PTPRG: variants seen among roughly 807,000 people sequenced by gnomAD.
PTPRG encodes the protein protein tyrosine phosphatase receptor type G.
PTPRG carries 102 observed loss-of-function variants against 165.3 expected under a neutral mutation model. The ratio of observed to expected loss-of-function variants is 0.62; its 90% CI spans 0.53 to 0.73. PTPRG has a LOEUF of 0.73. PTPRG is among the 30% of genes least tolerant of loss of function. The pLI is 0.00. For missense variants in PTPRG, 1,866 were observed against 1,861.4 expected (o/e 1.00, Z -0.05); for synonymous variants, 675 against 669.5 (o/e 1.01, Z -0.13).
chr3:62,139,550 G>A (rs1053522141), intron 6 of PTPRG, among the ~76,000 whole-genome samples: 3 of 152,122 alleles, frequency 2.0e-5, no homozygotes, highest in Non-Finnish European at 2.9e-5. Context: ...GCTCTCTCTC[G>A]GTCTTCCCTT....
chr3:61,990,820 G>A (rs1300455419), intron 3 of PTPRG, among the ~76,000 whole-genome samples: 1 of 151,686 alleles, frequency 6.6e-6, no homozygotes, highest in Non-Finnish European at 1.5e-5. Flanking sequence ...AGCCTTGGCT[G>A]TCAGAGCCCT....
At chr3:61,957,615 A>G (rs1254226693) in intron 2 of PTPRG, among the ~76,000 whole-genome samples, 10 of 152,178 alleles carry the variant, frequency 6.6e-5, no homozygotes, top group Non-Finnish European at 1.5e-4. Context: ...TTCCAAGGGG[A>G]TGCCTTCCTC....
intron 2 of PTPRG, among the ~76,000 whole-genome samples, chr3:61,888,381 T>G (rs1484930596): frequency 6.6e-6 from 1 of 152,096 alleles, no homozygotes; most frequent in African/African-American, 2.4e-5. Flanking sequence ...TCGCCCAGGC[T>G]GGAGTGCAGT....
intron 2 of PTPRG, among the ~76,000 whole-genome samples, chr3:61,828,350 C>T (rs1233245642): frequency 6.6e-6 from 1 of 152,208 alleles, no homozygotes; most frequent in Admixed American, 6.5e-5. Flanking sequence ...CATACAGCGA[C>T]ACATGTGTTG....
intron 12 of PTPRG, among the ~76,000 whole-genome samples, chr3:62,208,522 C>A (rs1266263220): frequency 6.6e-6 from 1 of 152,164 alleles, no homozygotes; most frequent in Non-Finnish European, 1.5e-5. Flanking sequence ...TCTTCTGGCT[C>A]AGCCCTGAGT....
At chr3:62,014,301 G>C (rs2041491239) in intron 4 of PTPRG, among the ~76,000 whole-genome samples, 1 of 152,108 alleles carries the variant, frequency 6.6e-6, no homozygotes, top group Non-Finnish European at 1.5e-5. Context: ...GCGCTGTATT[G>C]AGCACGGATA....
intron 2 of PTPRG, among the ~76,000 whole-genome samples, chr3:61,972,829 T>A (rs1048122472): frequency 6.7e-5 from 10 of 150,108 alleles, no homozygotes; most frequent in Admixed American, 2.7e-4. Flanking sequence ...ATTTTTAATT[T>A]TTTTTTTTTT....
chr3:61,583,287 C>T (rs532670361), intron 1 of PTPRG, among the ~76,000 whole-genome samples: 1 of 152,284 alleles, frequency 6.6e-6, no homozygotes, highest in South Asian at 2.1e-4. Flanking sequence ...GAGGCATTGT[C>T]CATGGAGACT....
intron 1 of PTPRG, among the ~76,000 whole-genome samples, chr3:61,729,240 G>A (rs73842328): frequency 0.04 from 6,124 of 152,222 alleles, 201 homozygotes; most frequent in African/African-American, 0.091. Context: ...ACTAAGTGAA[G>A]ATGGCCCACA....
intron 1 of PTPRG, among the ~76,000 whole-genome samples, chr3:61,627,373 T>C (rs1278689592): frequency 6.6e-6 from 1 of 152,078 alleles, no homozygotes; most frequent in Non-Finnish European, 1.5e-5. Context: ...AAGGGAATGG[T>C]TATGTGGGGA....
At chr3:61,747,710 T>G (rs2106910077) in intron 1 of PTPRG, among the ~76,000 whole-genome samples, 1 of 152,352 alleles carries the variant, frequency 6.6e-6, no homozygotes, top group South Asian at 2.1e-4. Flanking sequence ...ATTGACTAAT[T>G]TGGAATACAG....
chr3:62,192,212 T>C (rs1390485305), intron 9 of PTPRG, among the ~76,000 whole-genome samples: 1 of 151,936 alleles, frequency 6.6e-6, no homozygotes, highest in East Asian at 1.9e-4. Context: ...TAATATTTTA[T>C]CTCTTTTCTC....
At chr3:61,774,601 A>G (rs1455433119) in intron 2 of PTPRG, among the ~76,000 whole-genome samples, 1 of 152,222 alleles carries the variant, frequency 6.6e-6, no homozygotes, top group Non-Finnish European at 1.5e-5. Flanking sequence ...TTTCTGTTTA[A>G]AAGGCTGGAT....
At chr3:62,238,090 A>C (rs1701072560) in intron 14 of PTPRG, among the ~76,000 whole-genome samples, 1 of 152,228 alleles carries the variant, frequency 6.6e-6, no homozygotes, top group Non-Finnish European at 1.5e-5. Flanking sequence ...TGCTGTAAGA[A>C]AAGTGCATTC....
chr3:61,687,127 C>G (rs1374622971), intron 1 of PTPRG, among the ~76,000 whole-genome samples: 2 of 152,138 alleles, frequency 1.3e-5, no homozygotes, highest in South Asian at 4.2e-4. Flanking sequence ...TGAAATGAAA[C>G]CAAGTATCTG....
intron 2 of PTPRG, among the ~76,000 whole-genome samples, chr3:61,934,395 T>C (rs542679179): frequency 3.5e-4 from 54 of 152,232 alleles, no homozygotes; most frequent in South Asian, 1.0e-3. Context: ...TTTCTCGGTG[T>C]GTGCATTTGC....
intron 1 of PTPRG, among the ~76,000 whole-genome samples, chr3:61,691,546 G>C (rs1247563474): frequency 6.6e-6 from 1 of 152,190 alleles, no homozygotes; most frequent in Non-Finnish European, 1.5e-5. Context: ...TTAGAAAAAT[G>C]ACTAAAATGG....
At chr3:61,570,994 C>CA (rs1451572659) in intron 1 of PTPRG, among the ~76,000 whole-genome samples, 7 of 151,996 alleles carry the variant, frequency 4.6e-5, no homozygotes, top group Non-Finnish European at 1.0e-4. Flanking sequence ...GAATCCACAC[C>CA]AAAACCACAG....
intron 4 of PTPRG, among the ~76,000 whole-genome samples, chr3:62,020,341 A>G (rs1036587871): frequency 1.3e-5 from 2 of 152,204 alleles, no homozygotes; most frequent in African/African-American, 2.4e-5. Flanking sequence ...AACCAGAACA[A>G]TGAGTCTCAT....
Sources: gnomAD v4.1 joint callset for allele counts (sites outside exome capture counted in the v4.1 genomes callset) on GRCh38, gnomAD v4.1.1 for gene constraint, MANE v1.5 for transcripts, NCBI Gene and HGNC (gene_info 2026-07-23, HGNC 2026-07-21) for gene names.